The following CCDC136 variants were observed in gnomAD, a reference collection of about 807,000 sequenced individuals.
CCDC136 encodes coiled-coil domain-containing protein 136.
Under a neutral mutation model 141.2 loss-of-function variants are expected in CCDC136, and 100 were observed. That is an observed-to-expected ratio of 0.71 (90% confidence interval 0.60 to 0.84). The LOEUF is 0.84. CCDC136 is among the 40% of genes least tolerant of loss of function. CCDC136 has a pLI of 0.00. For missense variants in CCDC136, 1,206 were observed against 1,379.4 expected (o/e 0.87, Z 1.99); for synonymous variants, 474 against 531.9 (o/e 0.89, Z 1.50).
Position 128,812,219 on chromosome 7 carries a change from GAGTTACGGCAGCACC to G in CCDC136, c.2452_2466del (p.Tyr818_Ser822del). On this transcript the variant is annotated inframe_deletion, in exon 13 of 18. Coordinates refer to ENST00000297788, the MANE Select transcript of CCDC136 (RefSeq NM_022742.5). ...GCAACAGCAGCATTACCTATAAGAAGAGTTACGGCAGCACCAGTAGCTCTGACACCTGCCAGAAGA... is the reference window on the plus strand; with the variant it reads ...GCAACAGCAGCATTACCTATAAGAAGAGTAGCTCTGACACCTGCCAGAAGA... 1 of 1,613,988 alleles carries G rather than the reference GAGTTACGGCAGCACC, an allele frequency of 6.2e-7. No individual in the cohort carries two copies. The highest frequency in any genetic ancestry group is 8.5e-7 in the Non-Finnish European group (1 of 1,179,890).
Position 128,814,696 on chromosome 7 carries a change from A to G in CCDC136, c.2822A>G (p.Asp941Gly), listed in dbSNP as rs1258146763. ...CAGCTGCAATACCAGGCTAGCATGG[A>G]TGAGCAGGGGCGGCTTCTGGTAGTG... The part of the protein sequence containing the change: ...ELQLQYQASM[D>G]EQGRLLVVQE... The change falls in exon 15 of 18, where the codon GAT becomes GGT. Residue 941 changes from aspartate (D) to glycine (G), a missense_variant. By Grantham distance (94) the Asp-to-Gly change is moderately conservative. Transcript: ENST00000297788. The G allele has an allele frequency of 6.2e-6, 10 of 1,613,032 alleles. No homozygotes were observed. The highest frequency in any genetic ancestry group is 8.5e-6 in the Non-Finnish European group (10 of 1,179,508).
At chr7:128,807,597 A>G in intron 10 of CCDC136, 52 bp downstream of exon 10, 4 of 1,254,192 alleles carry the variant, frequency 3.2e-6, no homozygotes, top group Non-Finnish European at 4.1e-6. Context: ...TCCAGAGAGA[A>G]GAGGTACAGA....
chr7:128,803,272 T>C lies in CCDC136; in HGVS notation c.671-1378T>C, dbSNP rs1163494397. On this transcript the variant is annotated intron_variant, in intron 4 of 17. Transcript: ENST00000297788. ...CCTTCTACCTTGGCCTTCCAAAATG[T>C]TGGGATCACAGGTGTAAACCACTGC... Among the ~76,000 whole-genome samples the C allele has an allele frequency of 2.0e-5, 3 of 152,200 alleles. No individual in the cohort carries two copies. In the East Asian group the frequency reaches 5.8e-4, roughly 29 times the overall value.
intron 16 of CCDC136, among the ~76,000 whole-genome samples, chr7:128,816,146 C>A (rs78928380): frequency 6.6e-6 from 1 of 152,240 alleles, no homozygotes; most frequent in African/African-American, 2.4e-5. Context: ...TGCTGTGGAA[C>A]CACCTCACAA....
At chr7:128,797,204 A>G (rs1192372789) in intron 3 of CCDC136, among the ~76,000 whole-genome samples, 2 of 152,184 alleles carry the variant, frequency 1.3e-5, no homozygotes, top group African/African-American at 4.8e-5. Flanking sequence ...GGGCTAGGGG[A>G]GCCATTTAAA....
Position 128,812,153 on chromosome 7 carries a change from CA to C in CCDC136, c.2383del (p.Ser795ValfsTer60). The C allele has an allele frequency of 6.2e-7, 1 of 1,614,042 alleles. No homozygotes were observed. The highest frequency in any genetic ancestry group is 1.7e-5 in the Admixed American group (1 of 60,024). Reference protein sequence around the residue: ...SFLKSYDSSTSASEAYGKSYC... With the variant: ...SFLKSYDSSTXASEAYGKSYC... ...TTCTCAAGAGCTATGACAGCAGCAC[CA>C]GTGCCAGTGAGGCCTATGGGAAGAG... On this transcript the variant is annotated frameshift_variant, in exon 13 of 18. Transcript: ENST00000297788. LOFTEE classifies it high-confidence loss of function.
chr7:128,793,625 T>G (rs567132504), intron 1 of CCDC136, among the ~76,000 whole-genome samples: 69 of 152,314 alleles, frequency 4.5e-4, no homozygotes, highest in Admixed American at 1.1e-3. Flanking sequence ...GTTTGTTTGT[T>G]TGAGACGGAG....
rs763187093 is a variant in CCDC136 at position 128,809,669 on chromosome 7, A to G, written c.1800+25A>G. The G allele has an allele frequency of 4.1e-6, 6 of 1,460,704 alleles. No individual in the cohort carries two copies. In the African/African-American group the frequency reaches 7.1e-5, roughly 17 times the overall value. The allele number at this position is 1,460,704 out of a possible 1,614,324, so 90.5% of individuals were successfully genotyped here. A position where few individuals can be genotyped will look rare whatever the true frequency, so the allele number is the denominator to read the frequency against. Reference sequence around the variant, plus strand: ...GGTAACTCTGCCACAGGCAGCTGCTAACTGCGGGGAAGCTGCTCTGAGAAG... The same window carrying G: ...GGTAACTCTGCCACAGGCAGCTGCTGACTGCGGGGAAGCTGCTCTGAGAAG... On this transcript the variant is annotated intron_variant, in intron 11 of 17. Coordinates refer to ENST00000297788, the MANE Select transcript of CCDC136 (RefSeq NM_022742.5).
At position 128,798,605 on chromosome 7, in the gene CCDC136, C is replaced by G. The variant is rs1236299221; in HGVS notation, c.347-2581C>G. On this transcript the variant is annotated intron_variant, in intron 3 of 17. Coordinates refer to ENST00000297788, the MANE Select transcript of CCDC136 (RefSeq NM_022742.5). ...CACCTAAGAGAGAGTTGAACCCTAA[C>G]ATCAAAAGCATATTAGGGAGGTGGA... Among the ~76,000 whole-genome samples, 4 of 152,162 alleles carry G rather than the reference C, an allele frequency of 2.6e-5. No individual in the cohort carries two copies. In the South Asian group the frequency reaches 8.3e-4, roughly 32 times the overall value.
At chr7:128,812,377 T>A in intron 13 of CCDC136, 65 bp downstream of exon 13, 2 of 1,506,096 alleles carry the variant, frequency 1.3e-6, no homozygotes, top group Admixed American at 3.9e-5. Flanking sequence ...AAGAGATACA[T>A]CGCCAGGGGA....
At chr7:128,795,769 A>G (rs1183554299) in intron 3 of CCDC136, among the ~76,000 whole-genome samples, 5 of 152,136 alleles carry the variant, frequency 3.3e-5, no homozygotes. Context: ...TCTTATCTGT[A>G]AAATGGGACT....
chr7:128,815,888 G>A lies in CCDC136; in HGVS notation c.3320G>A (p.Ser1107Asn). The A allele has an allele frequency of 1.2e-6, 2 of 1,613,764 alleles. No individual in the cohort carries two copies. The highest frequency in any genetic ancestry group is 1.7e-6 in the Non-Finnish European group (2 of 1,179,814). ...GATGACGCCGACTCTTCCCTTGAAA[G>A]TCCCGAAGAAAATAACCCCCTCAGA... The part of the protein sequence containing the change: ...EEDDADSSLE[S>N]PEENNPLRLS... Residue 1107 changes from serine to asparagine, a missense_variant, in exon 16 of 18, where the codon AGT (serine) becomes AAT (asparagine). Physicochemically the swap from Ser to Asn is conservative, Grantham distance 46. Coordinates refer to ENST00000297788, the MANE Select transcript of CCDC136 (RefSeq NM_022742.5).
At chr7:128,791,318 C>T (rs1210790718), upstream of CCDC136, 6 of 367,110 alleles carry the variant, frequency 1.6e-5, no homozygotes, top group Non-Finnish European at 2.8e-5. This position sits in a 1 kb window ranked among gnomAD's most constrained non-coding sequence, Gnocchi z 7.1. Flanking sequence ...TCGGAGCTCC[C>T]GAGTGCTGGG....
chr7:128,791,338 G>C (rs1802132953), upstream of CCDC136: 1 of 411,384 alleles, frequency 2.4e-6, no homozygotes, highest in Non-Finnish European at 4.0e-6. The surrounding 1 kb of genome is among the most constrained non-coding windows in gnomAD (Gnocchi z 7.1). Context: ...GAGGGCTTCC[G>C]GGCGGCGGCG....
Position 128,805,769 on chromosome 7 carries a change from A to G in CCDC136, c.957A>G (p.Glu319=). Residue 319 remains glutamate (E), a synonymous_variant, in exon 7 of 18, where the codon GAA becomes GAG. Transcript: ENST00000297788. The surrounding 1 kb of genome is among the most constrained non-coding windows in gnomAD (Gnocchi z 4.6). Reference sequence around the variant, plus strand: ...TTCCATTTCCCACATAGTGTCAGGAATTGTGTTGTGAGTTGGAAGAGCTAC... The same window carrying G: ...TTCCATTTCCCACATAGTGTCAGGAGTTGTGTTGTGAGTTGGAAGAGCTAC... The part of the protein sequence containing the change: ...QMHGMKNKCQ[E]LCCELEELQH... 6.2e-7 allele frequency: 1 copy of G among 1,612,154 alleles called. No homozygotes were observed. Among genetic ancestry groups the G allele is most frequent in the Non-Finnish European group, 8.5e-7 (1 of 1,179,104 alleles).
chr7:128,807,350 C>G lies in CCDC136; in HGVS notation c.1420-10C>G, dbSNP rs762439083. The G allele has an allele frequency of 6.8e-7, 1 of 1,467,970 alleles. No homozygotes were observed. Among genetic ancestry groups the G allele is most frequent in the Non-Finnish European group, 9.1e-7 (1 of 1,103,574 alleles). 90.9% of individuals were successfully genotyped at this position (1,467,970 alleles called of 1,614,324 possible). A position where few individuals can be genotyped will look rare whatever the true frequency, so the allele number is the denominator to read the frequency against. ...CTGGGATGATGGCCAGGCCTGCCTCCCCTGCCCAGGACACAGAGACGCACG... is the reference window on the plus strand; with the variant it reads ...CTGGGATGATGGCCAGGCCTGCCTCGCCTGCCCAGGACACAGAGACGCACG... On this transcript the variant is annotated splice_polypyrimidine_tract_variant and intron_variant, in intron 9 of 17. Coordinates refer to ENST00000297788, the MANE Select transcript of CCDC136 (RefSeq NM_022742.5).
At chr7:128,791,568 C>T (rs1802166636), upstream of CCDC136, 1 of 1,249,706 alleles carries the variant, frequency 8.0e-7, no homozygotes, top group South Asian at 3.3e-5. This position sits in a 1 kb window ranked among gnomAD's most constrained non-coding sequence, Gnocchi z 7.1. Flanking sequence ...GCCGCCCCTC[C>T]GTCACCTGTC....
chr7:128,813,657 G>A (rs1217271552), intron 14 of CCDC136, among the ~76,000 whole-genome samples: 1 of 152,182 alleles, frequency 6.6e-6, no homozygotes, highest in African/African-American at 2.4e-5. Context: ...CTGTTAGAGA[G>A]ATGGGTTGGA....
At chr7:128,803,815 CTTTT>C (rs547570254) in intron 4 of CCDC136, among the ~76,000 whole-genome samples, 6 of 135,194 alleles carry the variant, frequency 4.4e-5, no homozygotes, top group Admixed American at 7.4e-5. Flanking sequence ...GAAAGAATTC[CTTTT>C]TTTTTTTTTT....
Sources: gnomAD v4.1 joint callset for allele counts (sites outside exome capture counted in the v4.1 genomes callset) on GRCh38, gnomAD v4.1.1 for gene constraint, Gnocchi (gnomAD v3.1) non-coding constraint, MANE v1.5 for transcripts, NCBI Gene and HGNC (gene_info 2026-07-23, HGNC 2026-07-21) for gene names.